Variants in BSN observed in about 807,000 individuals in gnomAD.
BSN encodes protein bassoon.
Under a neutral mutation model 264.8 loss-of-function variants are expected in BSN, and 57 were observed. The ratio of observed to expected loss-of-function variants is 0.22; its 90% CI spans 0.17 to 0.27. The LOEUF (loss-of-function observed/expected upper bound fraction) is 0.27, where lower values mean the gene tolerates loss of function less well. Among genes scored for constraint, BSN ranks in the 10% least tolerant of loss-of-function variants. The pLI, the probability that BSN is intolerant of heterozygous loss-of-function variation, is 1.00. For missense variants in BSN, 4,615 were observed against 5,232.5 expected, an observed-to-expected ratio of 0.88 and a Z score of 3.64; for synonymous variants, 2,059 against 2,137.3, an observed-to-expected ratio of 0.96 and a Z score of 1.01.
Position 49,642,143 on chromosome 3 carries a change from G to T in BSN, c.634-125G>T, listed in dbSNP as rs1245395415. The T allele has an allele frequency of 9.5e-6, 7 of 736,578 alleles. No homozygotes were observed. Among genetic ancestry groups the T allele is most frequent in the Non-Finnish European group, 1.4e-5 (7 of 497,664 alleles). The allele number at this position is 736,578 out of a possible 1,614,324, so 45.6% of individuals were successfully genotyped here. The stretch of plus-strand genomic sequence containing the variant: ...GCCACCTGGCAGCCCAGAAATGCCT[G>T]AGCAGGGCTTGGTGCTCCTGCCTGT... On this transcript the variant is annotated intron_variant, in intron 2 of 11. Coordinates refer to ENST00000296452, the MANE Select transcript of BSN (RefSeq NM_003458.4). The surrounding 1 kb of genome is among the most constrained non-coding windows in gnomAD (Gnocchi z 7.0).
chr3:49,580,113 T>C (rs1259271945), intron 1 of BSN, among the ~76,000 whole-genome samples: 1 of 152,178 alleles, frequency 6.6e-6, no homozygotes, highest in Non-Finnish European at 1.5e-5. Context: ...TTTATTTTGT[T>C]TATTTCATTT....
chr3:49,642,501 G>A lies in BSN; in HGVS notation c.867G>A (p.Gly289=), dbSNP rs1207724650. 1 of 1,567,242 alleles carries A rather than the reference G, an allele frequency of 6.4e-7. No homozygotes were observed. The highest frequency in any genetic ancestry group is 1.4e-5 in the African/African-American group (1 of 73,450). ...AETARATSVP[G]PAQAAAPPEV... ...CAGCCAGGGCCACCTCAGTGCCGGG[G>A]CCTGCCCAAGCAGCTGCCCCTCCAG... Residue 289 remains glycine (G), a synonymous_variant, in exon 3 of 12, where the codon GGG becomes GGA. Transcript: ENST00000296452. The surrounding 1 kb of genome is among the most constrained non-coding windows in gnomAD (Gnocchi z 7.0).
chr3:49,557,433 A>G (rs2051681689), intron 1 of BSN, among the ~76,000 whole-genome samples: 2 of 152,180 alleles, frequency 1.3e-5, no homozygotes. Context: ...ATTTATACAT[A>G]CACTCGTGAC....
At chr3:49,650,182 G>A (rs1559613762) in intron 3 of BSN, among the ~76,000 whole-genome samples, 1 of 152,188 alleles carries the variant, frequency 6.6e-6, no homozygotes, top group Non-Finnish European at 1.5e-5. Flanking sequence ...CCTCCAGGAA[G>A]TGCTCCATGC....
chr3:49,666,606 G>A (rs2052715264), intron 11 of BSN, among the ~76,000 whole-genome samples: 1 of 152,254 alleles, frequency 6.6e-6, no homozygotes, highest in Admixed American at 6.5e-5. Context: ...AGTGCTCAGA[G>A]CAGAAGATAT....
chr3:49,606,075 AAT>A (rs1410947234), intron 1 of BSN, among the ~76,000 whole-genome samples: 2 of 85,584 alleles, frequency 2.3e-5, no homozygotes, highest in Middle Eastern at 0.016. Flanking sequence ...ATTATATAAA[AAT>A]ATATAATTTT....
intron 1 of BSN, among the ~76,000 whole-genome samples, chr3:49,605,771 T>C (rs1376051178): frequency 1.3e-5 from 1 of 78,792 alleles, no homozygotes; most frequent in Non-Finnish European, 2.2e-5. Flanking sequence ...TATATAAAAA[T>C]ATATATAATA....
chr3:49,630,931 T>G (rs1426589416), intron 2 of BSN, among the ~76,000 whole-genome samples: 1 of 151,860 alleles, frequency 6.6e-6, no homozygotes, highest in African/African-American at 2.4e-5. Flanking sequence ...TGGTAACCTG[T>G]TGGTTTTGCT....
chr3:49,661,822 G>A lies in BSN; in HGVS notation c.9977G>A (p.Arg3326Lys), dbSNP rs376386796. 3 of 1,613,492 alleles carry A rather than the reference G, an allele frequency of 1.9e-6. No homozygotes were observed. Among genetic ancestry groups the A allele is most frequent in the African/African-American group, 1.3e-5 (1 of 74,954 alleles). The change falls in exon 6 of 12, where the codon AGG becomes AAG. Residue 3326 changes from arginine (R) to lysine (K), a missense_variant. Arg to Lys is a conservative substitution (Grantham distance 26). Transcript: ENST00000296452. ...STHYYGDSDYRHGARVEKYGP... is the reference protein window; with the variant it reads ...STHYYGDSDYKHGARVEKYGP... Reference sequence around the variant, plus strand: ...CACTACTATGGTGACAGTGACTACAGGCATGGGGCTCGAGTAGAGAAGTAT... The same window carrying A: ...CACTACTATGGTGACAGTGACTACAAGCATGGGGCTCGAGTAGAGAAGTAT...
chr3:49,590,596 C>G (rs549135775), intron 1 of BSN, among the ~76,000 whole-genome samples: 1 of 152,158 alleles, frequency 6.6e-6, no homozygotes, highest in South Asian at 2.1e-4. Context: ...CAATCTACTT[C>G]AAATTAATGC....
chr3:49,657,581 G>T lies in BSN; in HGVS notation c.8025G>T (p.Gln2675His). The T allele has an allele frequency of 6.2e-7, 1 of 1,612,516 alleles. No individual in the cohort carries two copies. The highest frequency in any genetic ancestry group is 8.5e-7 in the Non-Finnish European group (1 of 1,179,566). ...AGACCATCAGTGACTGCTCCGTGCAGACGGAGCCTGACCAGCTGCCCAGGG... is the reference window on the plus strand; with the variant it reads ...AGACCATCAGTGACTGCTCCGTGCATACGGAGCCTGACCAGCTGCCCAGGG... ...GIQTISDCSV[Q>H]TEPDQLPRVS... The change falls in exon 5 of 12, where the codon CAG becomes CAT. Residue 2675 changes from glutamine (Q) to histidine (H), a missense_variant. This residue lies in a region of BSN where 3,415 missense variants were observed against 3,866.4 expected (regional missense o/e 0.88). Transcript: ENST00000296452.
chr3:49,606,213 A>ATG (rs2052143453), intron 1 of BSN, among the ~76,000 whole-genome samples: 1 of 43,196 alleles, frequency 2.3e-5, no homozygotes, highest in Non-Finnish European at 4.0e-5. Flanking sequence ...TTATATATGT[A>ATG]TATATTATAT....
intron 3 of BSN, among the ~76,000 whole-genome samples, chr3:49,645,673 C>G (rs1315769837): frequency 6.6e-6 from 1 of 152,238 alleles, no homozygotes; most frequent in Non-Finnish European, 1.5e-5. Flanking sequence ...AGGCCCCTAA[C>G]CAGGCTGTGG....
chr3:49,602,918 C>G (rs2052083449), intron 1 of BSN, among the ~76,000 whole-genome samples: 1 of 152,232 alleles, frequency 6.6e-6, no homozygotes, highest in Non-Finnish European at 1.5e-5. Flanking sequence ...TCAGATCACG[C>G]TCATGGGCAG....
chr3:49,569,214 A>C lies in BSN; in HGVS notation c.224+14388A>C, dbSNP rs111883602. On this transcript the variant is annotated intron_variant, in intron 1 of 11. Coordinates refer to ENST00000296452, the MANE Select transcript of BSN (RefSeq NM_003458.4). ...ATGTTAGGTAGGCAGCTGGGTATTC[A>C]AGTCTGGGTTGGAAAAATAAAGTAG... 2.6e-5 allele frequency among the ~76,000 whole-genome samples: 4 copies of C among 152,234 alleles called. 1 individual carries two copies. Among genetic ancestry groups the C allele is most frequent in the African/African-American group, 9.6e-5 (4 of 41,526 alleles).
chr3:49,621,749 G>T (rs1473309925), intron 1 of BSN, among the ~76,000 whole-genome samples: 1 of 152,060 alleles, frequency 6.6e-6, no homozygotes, highest in Non-Finnish European at 1.5e-5. Flanking sequence ...ACAGAGTCTT[G>T]CTCTGTCACT....
chr3:49,590,029 G>C (rs1229590755), intron 1 of BSN, among the ~76,000 whole-genome samples: 1 of 151,436 alleles, frequency 6.6e-6, no homozygotes, highest in Non-Finnish European at 1.5e-5. Flanking sequence ...GTAGAGACGG[G>C]GTTTCACCAT....
In BSN at chr3:49,651,250, G is replaced by A. The variant is rs973964967; in HGVS notation, c.1986+171G>A. 2 of 704,366 alleles carry A rather than the reference G, an allele frequency of 2.8e-6. No homozygotes were observed. Among genetic ancestry groups the A allele is most frequent in the Non-Finnish European group, 2.3e-6 (1 of 439,334 alleles). 43.6% of individuals were successfully genotyped at this position (704,366 alleles called of 1,614,324 possible). On this transcript the variant is annotated intron_variant, in intron 4 of 11. Transcript: ENST00000296452. The surrounding 1 kb of genome is among the most constrained non-coding windows in gnomAD (Gnocchi z 5.4). Reference sequence around the variant, plus strand: ...TCTAGATGAGGTTCTGGCACGCTTGGAGACTGTGGGTTTTACACTGGTGCT... The same window carrying A: ...TCTAGATGAGGTTCTGGCACGCTTGAAGACTGTGGGTTTTACACTGGTGCT...
At chr3:49,644,212 T>C (rs749274774) in intron 3 of BSN, among the ~76,000 whole-genome samples, 11 of 152,182 alleles carry the variant, frequency 7.2e-5, no homozygotes, top group African/African-American at 1.4e-4. Flanking sequence ...CTCTTGCACA[T>C]GGGGAGCCAC....
Sources: gnomAD v4.1 joint callset for allele counts (sites outside exome capture counted in the v4.1 genomes callset) on GRCh38, gnomAD v4.1.1 for gene constraint, gnomAD v4.1.1 regional missense constraint, Gnocchi (gnomAD v3.1) non-coding constraint, MANE v1.5 for transcripts, NCBI Gene and HGNC (gene_info 2026-07-23, HGNC 2026-07-21) for gene names.